GRM4: variants seen among roughly 807,000 people sequenced by gnomAD.
GRM4 encodes metabotropic glutamate receptor 4.
GRM4 carries 28 observed loss-of-function variants against 81.7 expected under a neutral mutation model. The observed-to-expected ratio is 0.34, with a 90% CI of 0.25 to 0.47. GRM4 has a LOEUF of 0.47. Ranked by LOEUF, GRM4 falls within the 20% of genes least tolerant of loss-of-function variation. The pLI is 1.00. For synonymous variants in GRM4, 488 were observed against 528.8 expected, an observed-to-expected ratio of 0.92 and a Z score of 1.06; for missense variants, 948 against 1,290.0, an observed-to-expected ratio of 0.73 and a Z score of 4.06.
intron 9 of GRM4, among the ~76,000 whole-genome samples, chr6:34,029,420 G>T (rs1304886029): frequency 6.6e-6 from 1 of 152,166 alleles, no homozygotes; most frequent in African/African-American, 2.4e-5. Context: ...AAGGCACAGG[G>T]GCCCTGGCCT....
At chr6:34,083,628 G>T (rs1270305766) in intron 3 of GRM4, among the ~76,000 whole-genome samples, 1 of 152,184 alleles carries the variant, frequency 6.6e-6, no homozygotes, top group Non-Finnish European at 1.5e-5. Context: ...TGGCTGCAGG[G>T]TGGGGCCCAC....
chr6:34,028,284 A>G lies in GRM4; in HGVS notation c.2525T>C (p.Val842Ala). The stretch of plus-strand genomic sequence containing the variant: ...CTCCGGGTGGAAGAGGATGATGTAG[A>G]CTTTGGGCATGTAGAGCATTCCCAG... ...VSLGMLYMPK[V>A]YIILFHPEQN... The change falls in exon 10 of 11, where the codon GTC becomes GCC. Residue 842 changes from valine to alanine, a missense_variant. Transcript: ENST00000538487. 6.2e-7 allele frequency: 1 copy of G among 1,613,968 alleles called. No individual in the cohort carries two copies. Among genetic ancestry groups the G allele is most frequent in the Non-Finnish European group, 8.5e-7 (1 of 1,179,998 alleles).
chr6:34,148,984 T>A (rs1770995077), upstream of GRM4, among the ~76,000 whole-genome samples: 1 of 151,998 alleles, frequency 6.6e-6, no homozygotes, highest in Admixed American at 6.5e-5. Context: ...GGCAGGGAGT[T>A]CTAGAGAAAA....
intron 6 of GRM4, chr6:34,055,041 T>C (rs1765800882): frequency 6.6e-6 from 1 of 152,212 alleles, no homozygotes; most frequent in Non-Finnish European, 1.5e-5. Flanking sequence ...ACTTGGTCTC[T>C]CTGACTCTCC....
chr6:34,145,252 C>T (rs1027772133), intron 1 of GRM4, among the ~76,000 whole-genome samples: 1 of 151,628 alleles, frequency 6.6e-6, no homozygotes, highest in Non-Finnish European at 1.5e-5. Flanking sequence ...CGGAGCCGCC[C>T]GGAGTCCGGG....
intron 6 of GRM4, among the ~76,000 whole-genome samples, chr6:34,046,646 G>A (rs1765377344): frequency 1.3e-5 from 2 of 152,184 alleles, no homozygotes; most frequent in South Asian, 4.1e-4. Context: ...TGCTCTCAGG[G>A]GCATGAGCCC....
chr6:34,038,854 C>G (rs1011786131), intron 8 of GRM4, among the ~76,000 whole-genome samples: 2 of 152,228 alleles, frequency 1.3e-5, no homozygotes, highest in Admixed American at 1.3e-4. Context: ...CGTGCCCAGT[C>G]CCTGCCACCT....
At chr6:34,134,837 G>C (rs1254486793) in intron 1 of GRM4, among the ~76,000 whole-genome samples, 1 of 152,162 alleles carries the variant, frequency 6.6e-6, no homozygotes, top group African/African-American at 2.4e-5. Flanking sequence ...ATATTTATCT[G>C]CAAGAGTAGA....
At chr6:34,026,721 G>A (rs1275909840) in intron 10 of GRM4, among the ~76,000 whole-genome samples, 1 of 152,184 alleles carries the variant, frequency 6.6e-6, no homozygotes, top group Non-Finnish European at 1.5e-5. Flanking sequence ...AGCTCTCTGT[G>A]AGGGCCCCAC....
intron 2 of GRM4, chr6:34,104,002 G>C (rs117697744): frequency 2.6e-5 from 10 of 381,732 alleles, no homozygotes; most frequent in African/African-American, 1.9e-4. Context: ...CCCTCACCAC[G>C]GCCCCGAGGT....
At chr6:34,097,324 A>G (rs1182735427) in intron 2 of GRM4, among the ~76,000 whole-genome samples, 1 of 151,692 alleles carries the variant, frequency 6.6e-6, no homozygotes, top group Non-Finnish European at 1.5e-5. Flanking sequence ...AGCCAGTGCA[A>G]AGGCCATGTG....
At position 34,146,020 on chromosome 6, in the gene GRM4, C is replaced by T; in HGVS notation, c.-384G>A. Reference sequence around the variant, plus strand: ...CCTACCCCGAGGACATGGCGGGGACCCCTTCTCACCCCAGAGGGGGAGGGT... The same window carrying T: ...CCTACCCCGAGGACATGGCGGGGACTCCTTCTCACCCCAGAGGGGGAGGGT... On this transcript the variant is annotated 5_prime_UTR_variant, in exon 1 of 11. Coordinates refer to ENST00000538487, the MANE Select transcript of GRM4 (RefSeq NM_000841.4). The T allele has an allele frequency of 1.0e-6, 1 of 985,450 alleles. No individual in the cohort carries two copies. Among genetic ancestry groups the T allele is most frequent in the Non-Finnish European group, 1.2e-6 (1 of 829,974 alleles). The allele number at this position is 985,450 out of a possible 1,614,324, so 61.0% of individuals were successfully genotyped here.
chr6:34,039,280 T>C (rs944295681), intron 8 of GRM4, among the ~76,000 whole-genome samples: 1 of 152,128 alleles, frequency 6.6e-6, no homozygotes, highest in African/African-American at 2.4e-5. Flanking sequence ...CAAGAGTGCT[T>C]TGAAGAGCAG....
At chr6:34,060,583 T>A (rs1234194787) in intron 4 of GRM4, 1 of 152,168 alleles carries the variant, frequency 6.6e-6, no homozygotes. Context: ...GAGCTGAAGG[T>A]GTCCTCAAAA....
At chr6:34,103,697 C>CT (rs1561815025) in intron 2 of GRM4, 2 of 1,528,204 alleles carry the variant, frequency 1.3e-6, no homozygotes, top group East Asian at 4.9e-5. Flanking sequence ...AGGGGCACAG[C>CT]CATGCCCCCT....
intron 2 of GRM4, among the ~76,000 whole-genome samples, chr6:34,113,310 C>A (rs1769461025): frequency 6.6e-6 from 1 of 152,136 alleles, no homozygotes; most frequent in African/African-American, 2.4e-5. Context: ...CACCACCACA[C>A]CTGGCTAATT....
At chr6:34,094,472 C>T (rs1218086138) in intron 2 of GRM4, among the ~76,000 whole-genome samples, 1 of 152,146 alleles carries the variant, frequency 6.6e-6, no homozygotes. Context: ...AATGTGAGCT[C>T]GGATTGGATA....
chr6:34,096,621 G>A (rs1768527526), intron 2 of GRM4, among the ~76,000 whole-genome samples: 1 of 152,232 alleles, frequency 6.6e-6, no homozygotes, highest in African/African-American at 2.4e-5. Context: ...GACATCAGCA[G>A]AGACAGCAGA....
chr6:34,047,453 C>T lies in GRM4; in HGVS notation c.1169-6705G>A, dbSNP rs1765412082. 6.6e-6 allele frequency among the ~76,000 whole-genome samples: 1 copy of T among 152,304 alleles called. No homozygotes were observed. The highest frequency in any genetic ancestry group is 2.1e-4 in the South Asian group (1 of 4,820). ...CAAGTCCTGTTCCCGAGTCCAGGCT[C>T]ACCATCCCACAAGCCCCCAAATTCC... On this transcript the variant is annotated intron_variant, in intron 6 of 10. Coordinates refer to ENST00000538487, the MANE Select transcript of GRM4 (RefSeq NM_000841.4). The surrounding 1 kb of genome is among the most constrained non-coding windows in gnomAD (Gnocchi z 4.5).
Sources: gnomAD v4.1 joint callset for allele counts (sites outside exome capture counted in the v4.1 genomes callset) on GRCh38, gnomAD v4.1.1 for gene constraint, Gnocchi (gnomAD v3.1) non-coding constraint, MANE v1.5 for transcripts, NCBI Gene and HGNC (gene_info 2026-07-23, HGNC 2026-07-21) for gene names.